The following UBE3A variants were observed in gnomAD, a reference collection of about 807,000 sequenced individuals.
UBE3A encodes ubiquitin protein ligase E3A, also known as ubiquitin-protein ligase E3A.
In UBE3A, 6 loss-of-function variants were observed where a neutral mutation model predicts 83.4. The observed-to-expected ratio is 0.07, with a 90% confidence interval of 0.04 to 0.14. UBE3A has a LOEUF of 0.14. Among genes scored for constraint, UBE3A ranks in the 10% least tolerant of loss-of-function variants. The pLI is 1.00. For missense variants in UBE3A, 456 were observed against 1,036.1 expected, an observed-to-expected ratio of 0.44 and a Z score of 7.69; for synonymous variants, 337 against 355.4, an observed-to-expected ratio of 0.95 and a Z score of 0.58.
At position 25,335,226 on chromosome 15, in the gene UBE3A, T is replaced by A. The variant is rs761877210; in HGVS notation, c.*3911A>T. 1 of 152,166 alleles carries A rather than the reference T, an allele frequency of 6.6e-6. No individual in the cohort carries two copies. Among genetic ancestry groups the A allele is most frequent in the East Asian group, 1.9e-4 (1 of 5,192 alleles). The allele number at this position is 152,166 out of a possible 1,614,324, so 9.4% of individuals were successfully genotyped here. A position where few individuals can be genotyped will look rare whatever the true frequency, so the allele number is the denominator to read the frequency against. The stretch of plus-strand genomic sequence containing the variant: ...GCATTGGAGGCACTTTGGGGGTTGA[T>A]GAAGTCTTCATGGATGAGGTACTTT... On this transcript the variant is annotated 3_prime_UTR_variant, in exon 13 of 13. Transcript: ENST00000648336.
At chr15:25,437,395 T>C (rs1398300074) in intron 1 of UBE3A, among the ~76,000 whole-genome samples, 2 of 152,212 alleles carry the variant, frequency 1.3e-5, no homozygotes, top group African/African-American at 4.8e-5. Flanking sequence ...TTGGGTACCT[T>C]TGTGTCTCTG....
rs79447132 is a variant in UBE3A at position 25,397,580 on chromosome 15, C to T, written c.62+7881G>A. ...GCCTGGCTCCTCCCCAAAGGCACTG[C>T]CTATCATGCAACCCTTTTATGTGAC... On this transcript the variant is annotated intron_variant, in intron 4 of 12. Coordinates refer to ENST00000648336, the MANE Select transcript of UBE3A (RefSeq NM_130839.5). Among the ~76,000 whole-genome samples, 626 of 152,258 alleles carry T rather than the reference C, an allele frequency of 4.1e-3. 2 individuals are homozygous for T. Among genetic ancestry groups the T allele is most frequent in the African/African-American group, 0.014 (593 of 41,554 alleles).
At chr15:25,351,556 G>A (rs573829816) in intron 11 of UBE3A, among the ~76,000 whole-genome samples, 2 of 152,190 alleles carry the variant, frequency 1.3e-5, no homozygotes, top group Admixed American at 6.5e-5. Flanking sequence ...TGCAACCTCC[G>A]CCTCCCAGGT....
chr15:25,435,001 C>T (rs970390888), intron 1 of UBE3A, among the ~76,000 whole-genome samples: 1 of 149,426 alleles, frequency 6.7e-6, no homozygotes, highest in South Asian at 2.1e-4. Context: ...CACACACACA[C>T]ACACACACAC....
At chr15:25,351,665 TC>T (rs1185212100) in intron 11 of UBE3A, among the ~76,000 whole-genome samples, 1 of 152,110 alleles carries the variant, frequency 6.6e-6, no homozygotes, top group Non-Finnish European at 1.5e-5. Flanking sequence ...AGACGGGGTT[TC>T]CCCCATGTTT....
At chr15:25,374,111 A>G (rs1479793836) in intron 5 of UBE3A, 1 of 152,228 alleles carries the variant, frequency 6.6e-6, no homozygotes, top group Admixed American at 6.5e-5. Flanking sequence ...AATATACAAT[A>G]GTAACTATAG....
Position 25,334,791 on chromosome 15 carries a change from T to C in UBE3A, c.*4346A>G, listed in dbSNP as rs1323647854. On this transcript the variant is annotated 3_prime_UTR_variant, in exon 13 of 13. Coordinates refer to ENST00000648336, the MANE Select transcript of UBE3A (RefSeq NM_130839.5). ...TTGACAAGGGTACCAGGACCATTCA[T>C]GGGGAAATAATAGTCTTTTCAACAA... 6.6e-6 allele frequency: 1 copy of C among 152,152 alleles called. No homozygotes were observed. Among genetic ancestry groups the C allele is most frequent in the African/African-American group, 2.4e-5 (1 of 41,438 alleles). 9.4% of individuals were successfully genotyped at this position (152,152 alleles called of 1,614,324 possible).
At chr15:25,361,692 C>A (rs1410569941) in intron 6 of UBE3A, among the ~76,000 whole-genome samples, 3 of 151,972 alleles carry the variant, frequency 2.0e-5, no homozygotes, top group Non-Finnish European at 4.4e-5. Context: ...GATACTGTAT[C>A]CAGTATCCAT....
At chr15:25,422,787 C>G (rs1421424165) in intron 1 of UBE3A, among the ~76,000 whole-genome samples, 1 of 128,374 alleles carries the variant, frequency 7.8e-6, no homozygotes, top group African/African-American at 2.9e-5. Context: ...CCAGTCTGGG[C>G]AACACACTGA....
intron 6 of UBE3A, among the ~76,000 whole-genome samples, chr15:25,366,955 A>AT (rs1460489481): frequency 6.6e-6 from 1 of 151,544 alleles, no homozygotes; most frequent in Non-Finnish European, 1.5e-5. Context: ...TTATTTATTT[A>AT]TTTATTTTTT....
chr15:25,437,335 T>C (rs1027431567), intron 1 of UBE3A, among the ~76,000 whole-genome samples: 1 of 152,240 alleles, frequency 6.6e-6, no homozygotes. Context: ...TGATCAGAAG[T>C]GTGAGACAAA....
At chr15:25,347,570 T>C (rs1327608590) in intron 11 of UBE3A, among the ~76,000 whole-genome samples, 1 of 152,052 alleles carries the variant, frequency 6.6e-6, no homozygotes, top group Non-Finnish European at 1.5e-5. Flanking sequence ...TGTGGTGGCA[T>C]GTGCCTGTAG....
chr15:25,371,752 T>C lies in UBE3A; in HGVS notation c.422A>G (p.Glu141Gly). Reference protein sequence around the residue: ...YEILELCREREDYSPLIRVIG... With the variant: ...YEILELCRERGDYSPLIRVIG... ...AACACGGATTAAAGGGGAATAATCC[T>C]CTCTTTCTCTACATAATTCAAGAAT... The change falls in exon 6 of 13, where the codon GAG (glutamate) becomes GGG (glycine). Residue 141 changes from glutamate to glycine, a missense_variant. Glu to Gly is a moderately conservative substitution (Grantham distance 98, BLOSUM62 -2). Transcript: ENST00000648336. The surrounding 1 kb of genome is among the most constrained non-coding windows in gnomAD (Gnocchi z 5.3). The C allele has an allele frequency of 6.2e-7, 1 of 1,613,658 alleles. No individual in the cohort carries two copies. The highest frequency in any genetic ancestry group is 8.5e-7 in the Non-Finnish European group (1 of 1,179,932).
intron 3 of UBE3A, 39 bp downstream of exon 3, chr15:25,409,049 T>A: frequency 6.4e-7 from 1 of 1,565,916 alleles, no homozygotes; most frequent in South Asian, 1.2e-5. Flanking sequence ...CACTTTACAA[T>A]GACAGCCTTT....
chr15:25,345,608 A>G (rs891297187), intron 11 of UBE3A: 4 of 152,116 alleles, frequency 2.6e-5, no homozygotes, highest in Non-Finnish European at 5.9e-5. Context: ...AAATAACAGA[A>G]CAGAGTGAAA....
intron 5 of UBE3A, chr15:25,374,703 A>G (rs1184582038): frequency 6.6e-6 from 1 of 151,814 alleles, no homozygotes; most frequent in African/African-American, 2.4e-5. Flanking sequence ...CTTGTATGTC[A>G]TAAAAAAAAA....
chr15:25,377,185 G>A (rs1010554618), intron 4 of UBE3A, among the ~76,000 whole-genome samples: 8 of 152,070 alleles, frequency 5.3e-5, no homozygotes, highest in African/African-American at 1.9e-4. Flanking sequence ...CAATTAACAA[G>A]GCAGCAAGTA....
intron 4 of UBE3A, among the ~76,000 whole-genome samples, chr15:25,396,406 G>A (rs766604237): frequency 6.6e-6 from 1 of 151,988 alleles, no homozygotes; most frequent in African/African-American, 2.4e-5. Flanking sequence ...AAGAGTTCAA[G>A]ACCAGCCTGG....
chr15:25,377,421 A>G (rs907257670), intron 4 of UBE3A, among the ~76,000 whole-genome samples: 7 of 152,248 alleles, frequency 4.6e-5, no homozygotes, highest in African/African-American at 1.7e-4. Context: ...ACATTTTGCT[A>G]TCTATGAAGC....
Sources: allele counts gnomAD v4.1 joint callset (sites outside exome capture counted in the v4.1 genomes callset), GRCh38; gene constraint gnomAD v4.1.1; non-coding constraint Gnocchi (gnomAD v3.1); transcripts MANE v1.5; gene names NCBI Gene and HGNC (gene_info 2026-07-23, HGNC 2026-07-21).